ATXN10: variants seen among roughly 807,000 people sequenced by gnomAD.
ATXN10 encodes ataxin-10.
A neutral mutation model predicts 52.9 loss-of-function variants in ATXN10; 28 were observed. The observed-to-expected ratio is 0.53, with a 90% CI of 0.39 to 0.73. ATXN10 has a LOEUF of 0.73. Ranked by LOEUF, ATXN10 falls within the 30% of genes least tolerant of loss-of-function variation. The pLI is 0.00. For synonymous variants in ATXN10, 226 were observed against 221.5 expected (o/e 1.02, Z -0.18); for missense variants, 565 against 577.0 (o/e 0.98, Z 0.21).
In ATXN10 at chr22:45,783,513, C is replaced by G. The variant is rs1173794896; in HGVS notation, c.1174-23446C>G. On this transcript the variant is annotated intron_variant, in intron 9 of 11. Transcript: ENST00000252934. This position sits in a 1 kb window ranked among gnomAD's most constrained non-coding sequence, Gnocchi z 5.0. ...GGTAAGCTTGGCCTTCAGGGCTGCC[C>G]CTGATTGGACCTGCCTGGCCGGCTC... 6.6e-6 allele frequency among the ~76,000 whole-genome samples: 1 copy of G among 152,158 alleles called. No homozygotes were observed. The highest frequency in any genetic ancestry group is 1.5e-5 in the Non-Finnish European group (1 of 68,038).
rs56195245 is a variant in ATXN10, at chr22:45,819,192, AAATAGAATAGAATAG to A, written c.1237+12216_1237+12230del. ...TCTGTAGTATGAAGAATAGAATAGA[AAATAGAATAGAATAG>A]AATAGAATAGAATAGAATAGAATAG... On this transcript the variant is annotated intron_variant, in intron 10 of 11. Transcript: ENST00000252934. This position sits in a 1 kb window ranked among gnomAD's most constrained non-coding sequence, Gnocchi z 4.5. 0.19 allele frequency among the ~76,000 whole-genome samples: 27,675 copies of A among 147,462 alleles called. 2,767 individuals carry two copies. The highest frequency in any genetic ancestry group is 0.32 in the East Asian group (1,581 of 4,926).
intron 5 of ATXN10, among the ~76,000 whole-genome samples, chr22:45,709,878 G>C (rs749948520): frequency 6.6e-5 from 10 of 152,044 alleles, no homozygotes; most frequent in Non-Finnish European, 1.3e-4. Context: ...CCATTTACTC[G>C]TTTGCTGAGG....
intron 9 of ATXN10, among the ~76,000 whole-genome samples, chr22:45,751,244 T>G (rs369275241): frequency 2.3e-4 from 35 of 152,312 alleles, no homozygotes; most frequent in African/African-American, 8.4e-4. Flanking sequence ...TTGTTCTTCT[T>G]TTATACTTTG....
At chr22:45,736,670 A>G (rs993333867) in intron 7 of ATXN10, among the ~76,000 whole-genome samples, 14 of 152,124 alleles carry the variant, frequency 9.2e-5, no homozygotes, top group Admixed American at 5.2e-4. Flanking sequence ...GGCACTTAAC[A>G]TATTCTTCTT....
intron 9 of ATXN10, among the ~76,000 whole-genome samples, chr22:45,758,022 A>G (rs1926237382): frequency 6.6e-6 from 1 of 152,268 alleles, no homozygotes; most frequent in African/African-American, 2.4e-5. Flanking sequence ...TCCAAAGTAT[A>G]TGGCAGAGAC....
intron 9 of ATXN10, among the ~76,000 whole-genome samples, chr22:45,806,714 C>A (rs1052010252): frequency 6.6e-6 from 1 of 151,942 alleles, no homozygotes; most frequent in Non-Finnish European, 1.5e-5. Flanking sequence ...TACTTAGATT[C>A]TTTTTTATAT....
chr22:45,807,183 A>G (rs2146884948), intron 10 of ATXN10, 161 bp downstream of exon 10: 1 of 723,984 alleles, frequency 1.4e-6, no homozygotes, highest in Non-Finnish European at 2.6e-6. Flanking sequence ...TGGTGCTAGA[A>G]TATCATTTCT....
At position 45,733,186 on chromosome 22, in the gene ATXN10, T is replaced by A. The variant is rs760209726; in HGVS notation, c.894+3596T>A. ...TTAGCTTTGTATTTTCTGATATCCA[T>A]ATATTACAATAATTGTTGCCAGGTT... On this transcript the variant is annotated intron_variant, in intron 7 of 11. Coordinates refer to ENST00000252934, the MANE Select transcript of ATXN10 (RefSeq NM_013236.4). The surrounding 1 kb of genome is among the most constrained non-coding windows in gnomAD (Gnocchi z 4.4). 3.3e-5 allele frequency among the ~76,000 whole-genome samples: 5 copies of A among 152,206 alleles called. No individual in the cohort carries two copies. Among genetic ancestry groups the A allele is most frequent in the Non-Finnish European group, 7.3e-5 (5 of 68,038 alleles).
At position 45,843,547 on chromosome 22, in the gene ATXN10, T is replaced by G; in HGVS notation, c.1426-122T>G. 2 of 864,202 alleles carry G rather than the reference T, an allele frequency of 2.3e-6. No homozygotes were observed. The highest frequency in any genetic ancestry group is 3.9e-6 in the Non-Finnish European group (2 of 518,688). 53.5% of individuals were successfully genotyped at this position (864,202 alleles called of 1,614,324 possible). A position where few individuals can be genotyped will look rare whatever the true frequency, so the allele number is the denominator to read the frequency against. ...CTTGAATAATATTGCATGAATTGTTTTAGGTTTCTCTAAGTTATTTGTCAC... is the reference window on the plus strand; with the variant it reads ...CTTGAATAATATTGCATGAATTGTTGTAGGTTTCTCTAAGTTATTTGTCAC... On this transcript the variant is annotated intron_variant, in intron 11 of 11. Coordinates refer to ENST00000252934, the MANE Select transcript of ATXN10 (RefSeq NM_013236.4). The surrounding 1 kb of genome is among the most constrained non-coding windows in gnomAD (Gnocchi z 4.5).
rs1181643299 is a variant in ATXN10, at chr22:45,728,488, T to C, written c.729-937T>C. Among the ~76,000 whole-genome samples, 8 of 152,226 alleles carry C rather than the reference T, an allele frequency of 5.3e-5. No homozygotes were observed. Among genetic ancestry groups the C allele is most frequent in the Admixed American group, 4.6e-4 (7 of 15,274 alleles). On this transcript the variant is annotated intron_variant, in intron 6 of 11. Coordinates refer to ENST00000252934, the MANE Select transcript of ATXN10 (RefSeq NM_013236.4). This position sits in a 1 kb window ranked among gnomAD's most constrained non-coding sequence, Gnocchi z 4.3. ...AGTACAGGAAGCGTTTGCTATAGTTTTATTTCTTACTTGAAGCAGTAAATA... is the reference window on the plus strand; with the variant it reads ...AGTACAGGAAGCGTTTGCTATAGTTCTATTTCTTACTTGAAGCAGTAAATA...
At position 45,738,851 on chromosome 22, in the gene ATXN10, A is replaced by G; in HGVS notation, c.1003+12A>G. Reference sequence around the variant, plus strand: ...GGAAAGAGTGATTGGTGAGTGAAATATCACACATTGTATTTTTAGCTAAGA... The same window carrying G: ...GGAAAGAGTGATTGGTGAGTGAAATGTCACACATTGTATTTTTAGCTAAGA... On this transcript the variant is annotated intron_variant, in intron 8 of 11. Coordinates refer to ENST00000252934, the MANE Select transcript of ATXN10 (RefSeq NM_013236.4). 6.3e-7 allele frequency: 1 copy of G among 1,594,502 alleles called. No individual in the cohort carries two copies. The highest frequency in any genetic ancestry group is 1.1e-5 in the South Asian group (1 of 90,634).
chr22:45,832,070 GTAT>G, intron 10 of ATXN10, among the ~76,000 whole-genome samples: 1 of 152,286 alleles, frequency 6.6e-6, no homozygotes, highest in African/African-American at 2.4e-5. Context: ...ACCCAAGTCT[GTAT>G]TATTCCAAAA....
chr22:45,796,596 T>C (rs2146873288), intron 9 of ATXN10, among the ~76,000 whole-genome samples: 1 of 152,348 alleles, frequency 6.6e-6, no homozygotes, highest in East Asian at 1.9e-4. Flanking sequence ...TCCTTTGTAC[T>C]CTTTCTCTTT....
rs1922912639 is a variant in ATXN10, at chr22:45,681,329, C to G, written c.117-8383C>G. 6.6e-6 allele frequency among the ~76,000 whole-genome samples: 1 copy of G among 152,088 alleles called. No individual in the cohort carries two copies. Among genetic ancestry groups the G allele is most frequent in the Non-Finnish European group, 1.5e-5 (1 of 68,002 alleles). ...TACCTTACTTAGACTTTATCCATAA[C>G]TGTAGCTGCCTTCCCCCACAATCTC... On this transcript the variant is annotated intron_variant, in intron 1 of 11. Transcript: ENST00000252934. The surrounding 1 kb of genome is among the most constrained non-coding windows in gnomAD (Gnocchi z 4.2).
rs1027439237 is a variant in ATXN10 at position 45,671,889 on chromosome 22, G to A, written c.-175G>A. On this transcript the variant is annotated 5_prime_UTR_variant, in exon 1 of 12. Coordinates refer to ENST00000252934, the MANE Select transcript of ATXN10 (RefSeq NM_013236.4). ...TGGGCTCAGCCTAGAGCTCTCCGGC[G>A]GCGGCGCAGCTTCAGGGCAGCGCGG... 26 of 659,154 alleles carry A rather than the reference G, an allele frequency of 3.9e-5. 2 individuals carry two copies. Among genetic ancestry groups the A allele is most frequent in the Middle Eastern group, 4.1e-4 (1 of 2,458 alleles). 40.8% of individuals were successfully genotyped at this position (659,154 alleles called of 1,614,324 possible). A position where few individuals can be genotyped will look rare whatever the true frequency, so the allele number is the denominator to read the frequency against.
At position 45,683,377 on chromosome 22, in the gene ATXN10, C is replaced by T. The variant is rs1923006340; in HGVS notation, c.117-6335C>T. ...TTCACATCAGGATAAAAGCCAGCGT[C>T]CTTCCGTGGCCTACTGTGCCTGTCC... On this transcript the variant is annotated intron_variant, in intron 1 of 11. Transcript: ENST00000252934. The surrounding 1 kb of genome is among the most constrained non-coding windows in gnomAD (Gnocchi z 4.8). 6.6e-6 allele frequency among the ~76,000 whole-genome samples: 1 copy of T among 152,138 alleles called. No homozygotes were observed. The highest frequency in any genetic ancestry group is 2.1e-4 in the South Asian group (1 of 4,828).
At position 45,689,859 on chromosome 22, in the gene ATXN10, T is replaced by G; in HGVS notation, c.264T>G (p.Leu88=). ...TAATAACAGAATGCTTCAGGTGTCT[T>G]CGCAATGCTTGCATAGAGTGTTCTG... is the stretch of plus-strand genomic sequence containing the variant. ...LQLITECFRC[L]RNACIECSVN... Residue 88 remains leucine (L), a synonymous_variant, in exon 2 of 12, where the codon CTT becomes CTG. Transcript: ENST00000252934. 6.2e-7 allele frequency: 1 copy of G among 1,614,224 alleles called. No homozygotes were observed. Among genetic ancestry groups the G allele is most frequent in the South Asian group, 1.1e-5 (1 of 91,086 alleles).
chr22:45,687,126 G>A (rs968984376), intron 1 of ATXN10, among the ~76,000 whole-genome samples: 1 of 152,198 alleles, frequency 6.6e-6, no homozygotes, highest in African/African-American at 2.4e-5. Flanking sequence ...CCTTAGCTCA[G>A]TTAAATGCTT....
chr22:45,718,676 T>C lies in ATXN10; in HGVS notation c.728+183T>C, dbSNP rs1299076267. On this transcript the variant is annotated intron_variant, in intron 6 of 11. Transcript: ENST00000252934. This position sits in a 1 kb window ranked among gnomAD's most constrained non-coding sequence, Gnocchi z 4.4. ...AGCTTAGCCACAGTAGGCAGTGATT[T>C]ATGGAGGGTAGCAGGATCCAGGTTG... Among the ~76,000 whole-genome samples, 1 of 152,184 alleles carries C rather than the reference T, an allele frequency of 6.6e-6. No individual in the cohort carries two copies. The highest frequency in any genetic ancestry group is 1.9e-4 in the East Asian group (1 of 5,202).
Sources: gnomAD v4.1 joint callset for allele counts (sites outside exome capture counted in the v4.1 genomes callset) on GRCh38, gnomAD v4.1.1 for gene constraint, Gnocchi (gnomAD v3.1) non-coding constraint, MANE v1.5 for transcripts, NCBI Gene and HGNC (gene_info 2026-07-23, HGNC 2026-07-21) for gene names.